The following GRIK1 variants were observed in gnomAD, a reference collection of about 807,000 sequenced individuals.
The protein encoded by GRIK1 is glutamate receptor ionotropic, kainate 1.
Under a neutral mutation model 105.7 loss-of-function variants are expected in GRIK1, and 69 were observed. The ratio of observed to expected loss-of-function variants is 0.65; its 90% CI spans 0.54 to 0.80. The LOEUF is 0.80. GRIK1 is among the 30% of genes least tolerant of loss of function. The pLI, the probability that GRIK1 is intolerant of heterozygous loss-of-function variation, is 0.00. For synonymous variants in GRIK1, 438 were observed against 431.3 expected (o/e 1.02, Z -0.19); for missense variants, 1,109 against 1,167.3 (o/e 0.95, Z 0.73).
chr21:29,585,798 T>C (rs938260338), intron 12 of GRIK1, among the ~76,000 whole-genome samples: 2 of 152,190 alleles, frequency 1.3e-5, no homozygotes, highest in Admixed American at 6.5e-5. Flanking sequence ...TAATGAAAAA[T>C]ACCTCCAAAG....
At chr21:29,705,282 G>C (rs1410301441) in intron 1 of GRIK1, among the ~76,000 whole-genome samples, 2 of 152,220 alleles carry the variant, frequency 1.3e-5, no homozygotes, top group Non-Finnish European at 2.9e-5. Flanking sequence ...TGTTGCCCAT[G>C]AGATCTTATA....
chr21:29,642,860 C>T lies in GRIK1; in HGVS notation c.1064G>A (p.Arg355His), dbSNP rs756832977. The change falls in exon 7 of 18, where the codon CGC (arginine) becomes CAC (histidine). Residue 355 changes from arginine to histidine, a missense_variant. Coordinates refer to ENST00000327783, the MANE Select transcript of GRIK1 (RefSeq NM_001330994.2). ...SLQCHRHKPW[R>H]LGPRFMNLIK... ...CAGGTTCATAAATCTGGGTCCGAGG[C>T]GCCATGGCTTATGTCTATGGCACTG... The T allele has an allele frequency of 7.4e-6, 12 of 1,613,774 alleles. No individual in the cohort carries two copies. The highest frequency in any genetic ancestry group is 6.7e-5 in the East Asian group (3 of 44,888).
intron 14 of GRIK1, among the ~76,000 whole-genome samples, chr21:29,565,614 AGT>A (rs2090595287): frequency 6.6e-6 from 1 of 152,062 alleles, no homozygotes; most frequent in Non-Finnish European, 1.5e-5. Flanking sequence ...TTGTATTTTT[AGT>A]AAAGACAGGG....
At chr21:29,676,224 G>A (rs376012795) in intron 3 of GRIK1, among the ~76,000 whole-genome samples, 1 of 152,168 alleles carries the variant, frequency 6.6e-6, no homozygotes, top group Admixed American at 6.5e-5. Context: ...CCTTTTGCCA[G>A]TATATAGGTA....
chr21:29,833,780 C>T (rs1242816919), intron 1 of GRIK1, among the ~76,000 whole-genome samples: 1 of 152,108 alleles, frequency 6.6e-6, no homozygotes, highest in Non-Finnish European at 1.5e-5. Flanking sequence ...CACACACACT[C>T]TCTCAACAAG....
intron 1 of GRIK1, among the ~76,000 whole-genome samples, chr21:29,902,571 G>A (rs1463279047): frequency 6.6e-6 from 1 of 152,080 alleles, no homozygotes; most frequent in Non-Finnish European, 1.5e-5. Context: ...AAATACCTAG[G>A]AATACAACTT....
intron 1 of GRIK1, among the ~76,000 whole-genome samples, chr21:29,771,911 T>C (rs896295812): frequency 9.9e-5 from 15 of 152,226 alleles, no homozygotes; most frequent in African/African-American, 3.4e-4. Context: ...TTCCTCTAGT[T>C]CTACCAAATA....
intron 7 of GRIK1, among the ~76,000 whole-genome samples, chr21:29,626,882 T>C (rs543953512): frequency 2.0e-4 from 30 of 152,322 alleles, no homozygotes; most frequent in Non-Finnish European, 4.1e-4. Flanking sequence ...CCATTAGCAA[T>C]GCAGTATTTG....
At chr21:29,561,432 T>C (rs1471248729) in intron 15 of GRIK1, among the ~76,000 whole-genome samples, 192 bp downstream of exon 15, 1 of 152,244 alleles carries the variant, frequency 6.6e-6, no homozygotes, top group East Asian at 1.9e-4. Flanking sequence ...GTTAAAAGTA[T>C]ATTAAGTTAA....
At chr21:29,774,817 C>A (rs566688024) in intron 1 of GRIK1, among the ~76,000 whole-genome samples, 2 of 152,218 alleles carry the variant, frequency 1.3e-5, no homozygotes, top group South Asian at 4.1e-4. Context: ...GGATGTGAGA[C>A]CTGTGCAGTT....
At chr21:29,911,278 T>C (rs1474968874) in intron 1 of GRIK1, among the ~76,000 whole-genome samples, 1 of 152,108 alleles carries the variant, frequency 6.6e-6, no homozygotes, top group African/African-American at 2.4e-5. Context: ...TATTTATTTG[T>C]GAATATAGGG....
intron 1 of GRIK1, among the ~76,000 whole-genome samples, chr21:29,886,580 G>T (rs1000808645): frequency 1.3e-5 from 2 of 151,784 alleles, no homozygotes; most frequent in Non-Finnish European, 2.9e-5. Flanking sequence ...TTACAACTTC[G>T]TACTTAAAAA....
intron 7 of GRIK1, among the ~76,000 whole-genome samples, chr21:29,635,908 T>C (rs571252672): frequency 3.9e-5 from 6 of 152,162 alleles, no homozygotes; most frequent in Admixed American, 2.0e-4. Context: ...TAAAAGAAAC[T>C]TCAGAAGAGA....
chr21:29,564,550 G>T (rs889478354), intron 14 of GRIK1, among the ~76,000 whole-genome samples: 1 of 152,166 alleles, frequency 6.6e-6, no homozygotes, highest in Non-Finnish European at 1.5e-5. Flanking sequence ...GTTCATCCAC[G>T]GTAAATGGAG....
At chr21:29,819,205 T>C (rs368829949) in intron 1 of GRIK1, among the ~76,000 whole-genome samples, 19 of 152,240 alleles carry the variant, frequency 1.2e-4, no homozygotes, top group East Asian at 5.8e-4. Context: ...ATGATGATTA[T>C]TTATTAGTTT....
At chr21:29,537,526 C>T (rs1396335425) in intron 17 of GRIK1, 141 bp from the exon 18 acceptor site, 1 of 691,938 alleles carries the variant, frequency 1.4e-6, no homozygotes, top group Non-Finnish European at 2.5e-6. Flanking sequence ...CCCATCACCT[C>T]CTCCTCCACC....
At chr21:29,749,721 G>C (rs191973055) in intron 1 of GRIK1, among the ~76,000 whole-genome samples, 90 of 152,280 alleles carry the variant, frequency 5.9e-4, no homozygotes, top group African/African-American at 2.0e-3. Flanking sequence ...TGATATATGG[G>C]GGTGGGAAGG....
chr21:29,864,735 G>C (rs992144575), intron 1 of GRIK1, among the ~76,000 whole-genome samples: 1 of 151,752 alleles, frequency 6.6e-6, no homozygotes, highest in Non-Finnish European at 1.5e-5. Context: ...ATTTCTGTAA[G>C]TGCCTGTTCA....
chr21:29,789,420 G>A (rs577220949), intron 1 of GRIK1, among the ~76,000 whole-genome samples: 1 of 152,288 alleles, frequency 6.6e-6, no homozygotes, highest in South Asian at 2.1e-4. Context: ...GCAAGTATTG[G>A]AGTCATAATA....
Sources: allele counts gnomAD v4.1 joint callset (sites outside exome capture counted in the v4.1 genomes callset), GRCh38; gene constraint gnomAD v4.1.1; transcripts MANE v1.5; gene names NCBI Gene and HGNC (gene_info 2026-07-23, HGNC 2026-07-21).